The following TRAPPC9 variants were observed in gnomAD, a reference collection of about 807,000 sequenced individuals.
TRAPPC9 encodes the protein IKK2 binding protein.
A neutral mutation model predicts 124.0 loss-of-function variants in TRAPPC9; 83 were observed. That is an observed-to-expected ratio of 0.67 (90% confidence interval 0.56 to 0.80). The LOEUF is 0.80. Ranked by LOEUF, TRAPPC9 falls within the 30% of genes least tolerant of loss-of-function variation. The pLI is 0.00. For missense variants in TRAPPC9, 1,302 were observed against 1,508.3 expected, an observed-to-expected ratio of 0.86 and a Z score of 2.27; for synonymous variants, 638 against 617.5, an observed-to-expected ratio of 1.03 and a Z score of -0.49.
At chr8:139,752,737 G>A (rs761588593) in intron 21 of TRAPPC9, among the ~76,000 whole-genome samples, 60 of 145,096 alleles carry the variant, frequency 4.1e-4, no homozygotes, top group Non-Finnish European at 6.5e-4. Flanking sequence ...ACTACCACCT[G>A]TTCATCTACC....
At chr8:139,895,985 G>A (rs1830644827) in intron 20 of TRAPPC9, among the ~76,000 whole-genome samples, 1 of 152,238 alleles carries the variant, frequency 6.6e-6, no homozygotes, top group Non-Finnish European at 1.5e-5. Flanking sequence ...CCGCCTGTGA[G>A]TAATTACCAA....
At chr8:139,771,239 T>C (rs1820938173) in intron 21 of TRAPPC9, among the ~76,000 whole-genome samples, 1 of 152,142 alleles carries the variant, frequency 6.6e-6, no homozygotes, top group South Asian at 2.1e-4. Context: ...ACTTAACGCA[T>C]CATCTATCTG....
At chr8:140,084,783 G>C (rs1459861471) in intron 17 of TRAPPC9, among the ~76,000 whole-genome samples, 1 of 152,226 alleles carries the variant, frequency 6.6e-6, no homozygotes, top group Non-Finnish European at 1.5e-5. Context: ...CAAAGGGTAG[G>C]ATAAGCTTTT....
intron 18 of TRAPPC9, among the ~76,000 whole-genome samples, chr8:140,017,621 T>G (rs7837910): frequency 1.3e-5 from 2 of 151,994 alleles, no homozygotes; most frequent in Non-Finnish European, 2.9e-5. Flanking sequence ...CTCTTGATTA[T>G]TATAGCTTTA....
At chr8:139,852,152 C>G (rs1827515879) in intron 21 of TRAPPC9, among the ~76,000 whole-genome samples, 1 of 152,190 alleles carries the variant, frequency 6.6e-6, no homozygotes, top group African/African-American at 2.4e-5. Flanking sequence ...TTGCCTGCTG[C>G]CTTCCACAGA....
chr8:139,780,145 A>G (rs1821699216), intron 21 of TRAPPC9, among the ~76,000 whole-genome samples: 1 of 152,222 alleles, frequency 6.6e-6, no homozygotes, highest in South Asian at 2.1e-4. Context: ...CCAACCGTGG[A>G]CATTGAAAAA....
chr8:139,882,658 T>C (rs1829746022), intron 21 of TRAPPC9, among the ~76,000 whole-genome samples: 1 of 151,860 alleles, frequency 6.6e-6, no homozygotes, highest in African/African-American at 2.4e-5. Flanking sequence ...GCACAGGGGG[T>C]AGGAGGGTGG....
At chr8:140,019,372 G>C (rs1352375983) in intron 18 of TRAPPC9, among the ~76,000 whole-genome samples, 1 of 152,024 alleles carries the variant, frequency 6.6e-6, no homozygotes, top group East Asian at 1.9e-4. Context: ...TTTTGTAAAG[G>C]TGATATTATT....
intron 21 of TRAPPC9, among the ~76,000 whole-genome samples, chr8:139,807,006 G>T (rs989147663): frequency 4.6e-5 from 7 of 152,236 alleles, no homozygotes; most frequent in Non-Finnish European, 1.0e-4. Flanking sequence ...GCCACCTGCC[G>T]ATGCCCTCGA....
At chr8:140,132,875 C>T (rs866573942) in intron 17 of TRAPPC9, among the ~76,000 whole-genome samples, 1 of 152,106 alleles carries the variant, frequency 6.6e-6, no homozygotes, top group African/African-American at 2.4e-5. Context: ...TGGCAGCACG[C>T]AAGAGAGGCC....
intron 7 of TRAPPC9, among the ~76,000 whole-genome samples, chr8:140,376,322 T>C (rs2068436077): frequency 6.6e-6 from 1 of 151,682 alleles, no homozygotes; most frequent in Non-Finnish European, 1.5e-5. Context: ...TTTGGGAGGA[T>C]GAGGTGGGCA....
chr8:139,850,481 G>A (rs950503924), intron 21 of TRAPPC9, among the ~76,000 whole-genome samples: 1 of 152,208 alleles, frequency 6.6e-6, no homozygotes, highest in Non-Finnish European at 1.5e-5. Flanking sequence ...GAGAAACTGA[G>A]CTACCTGTGA....
At chr8:140,369,029 A>C (rs1489959942) in intron 8 of TRAPPC9, among the ~76,000 whole-genome samples, 3 of 152,196 alleles carry the variant, frequency 2.0e-5, no homozygotes, top group Non-Finnish European at 2.9e-5. Context: ...GGCTGCTTTC[A>C]CACCACAACA....
At chr8:140,341,762 G>C (rs2067201808) in intron 9 of TRAPPC9, among the ~76,000 whole-genome samples, 1 of 152,076 alleles carries the variant, frequency 6.6e-6, no homozygotes. Context: ...GAAGCACGGA[G>C]CACGGGAAGG....
At chr8:139,986,702 T>C (rs1452531198) in intron 19 of TRAPPC9, among the ~76,000 whole-genome samples, 1 of 152,210 alleles carries the variant, frequency 6.6e-6, no homozygotes, top group African/African-American at 2.4e-5. Context: ...TGGCTTAGTT[T>C]TTCCTTCTGC....
At chr8:140,056,402 C>A (rs892164707) in intron 17 of TRAPPC9, among the ~76,000 whole-genome samples, 2 of 151,536 alleles carry the variant, frequency 1.3e-5, no homozygotes, top group East Asian at 3.9e-4. Context: ...AGAGTAAGAT[C>A]CTGTCTCTAA....
Position 139,988,818 on chromosome 8 carries a change from C to T in TRAPPC9, c.2718G>A (p.Leu906=), listed in dbSNP as rs201770527. The T allele has an allele frequency of 1.9e-6, 3 of 1,551,236 alleles. No homozygotes were observed. Among genetic ancestry groups the T allele is most frequent in the Non-Finnish European group, 2.6e-6 (3 of 1,146,704 alleles). Reference sequence around the variant, plus strand: ...CGGTGGAGTTGAAGACATCCAGGAGCAGGTGACACTGCCGGGTACTGCGTT... The same window carrying T: ...CGGTGGAGTTGAAGACATCCAGGAGTAGGTGACACTGCCGGGTACTGCGTT... ...LPATSTRQCH[L]LLDVFNSTEH... Residue 906 remains leucine (L), a synonymous_variant, in exon 19 of 23, where the codon CTG becomes CTA. Transcript: ENST00000438773.
At chr8:140,138,934 G>A (rs1294296777) in intron 17 of TRAPPC9, among the ~76,000 whole-genome samples, 1 of 152,052 alleles carries the variant, frequency 6.6e-6, no homozygotes, top group African/African-American at 2.4e-5. Context: ...GGTGCAGAGG[G>A]CTGAACCATC....
chr8:139,955,262 T>A (rs981275699), intron 19 of TRAPPC9, among the ~76,000 whole-genome samples: 5 of 152,118 alleles, frequency 3.3e-5, no homozygotes, highest in African/African-American at 1.2e-4. Context: ...GAAGGGATCC[T>A]GTAGGAGCCT....
Sources: gnomAD v4.1 joint callset for allele counts (sites outside exome capture counted in the v4.1 genomes callset) on GRCh38, gnomAD v4.1.1 for gene constraint, MANE v1.5 for transcripts, NCBI Gene and HGNC (gene_info 2026-07-23, HGNC 2026-07-21) for gene names.